Variants in CASK observed in about 807,000 individuals in gnomAD.
CASK encodes peripheral plasma membrane protein CASK.
In CASK, 4 loss-of-function variants were observed where a neutral mutation model predicts 82.9. That is an observed-to-expected ratio of 0.05 (90% CI 0.02 to 0.11). The LOEUF (loss-of-function observed/expected upper bound fraction) is 0.11. Ranked by LOEUF, CASK falls within the 10% of genes least tolerant of loss-of-function variation. The pLI is 1.00. For synonymous variants in CASK, 259 were observed against 253.5 expected (o/e 1.02, Z -0.20); for missense variants, 358 against 720.9 (o/e 0.50, Z 5.76).
intron 5 of CASK, among the ~76,000 whole-genome samples, chrX:41,682,801 T>C (rs758737265): frequency 3.0e-4 from 33 of 109,726 alleles, no homozygotes; most frequent in Middle Eastern, 4.7e-3. Context: ...TTTGGGGGGT[T>C]AGAGTGTCTC....
chrX:41,601,314 T>A lies in CASK; in HGVS notation c.1155+8590A>T, dbSNP rs760306296. ...CCAAAAAATTGATGTTAAAAAAGTA[T>A]CAAAAAGCTGTGAATTTTTGGAAAT... On this transcript the variant is annotated intron_variant, in intron 12 of 26. Coordinates refer to ENST00000378163, the MANE Select transcript of CASK (RefSeq NM_001367721.1). 5.4e-5 allele frequency among the ~76,000 whole-genome samples: 6 copies of A among 111,945 alleles called. No homozygotes were observed. In the East Asian group the frequency reaches 1.7e-3, roughly 31 times the overall value.
intron 3 of CASK, among the ~76,000 whole-genome samples, chrX:41,765,044 A>C (rs912440475): frequency 4.5e-5 from 5 of 112,177 alleles, no homozygotes; most frequent in Non-Finnish European, 7.5e-5. Context: ...AATAAGATTC[A>C]ATGACTCTGC....
chrX:41,646,969 G>A (rs1482273527), intron 8 of CASK, among the ~76,000 whole-genome samples: 1 of 111,550 alleles, frequency 9.0e-6, no homozygotes, highest in East Asian at 2.8e-4. Context: ...AGATCTAAGA[G>A]ATTTGTTTTC....
chrX:41,789,468 C>T (rs893520320), intron 2 of CASK, among the ~76,000 whole-genome samples: 8 of 111,304 alleles, frequency 7.2e-5, no homozygotes, highest in Non-Finnish European at 1.3e-4. Flanking sequence ...GGAAAGATGC[C>T]TCCATCTCCA....
Position 41,586,966 on chromosome X carries a change from A to G in CASK, c.1255T>C (p.Tyr419His). 1 of 1,162,144 alleles carries G rather than the reference A, an allele frequency of 8.6e-7. No homozygotes were observed. Among genetic ancestry groups the G allele is most frequent in the Non-Finnish European group, 1.2e-6 (1 of 851,627 alleles). ...TCCTTTGCGTCGTTATTCTCAGGGT[A>G]ACATGAAATTTCTTCCAATACCTAA... is the stretch of plus-strand genomic sequence containing the variant. ...AKEVLEEISC[Y>H]PENNDAKELK... Residue 419 changes from tyrosine (Y) to histidine (H), a missense_variant, in exon 14 of 27, where the codon TAC becomes CAC. Coordinates refer to ENST00000378163, the MANE Select transcript of CASK (RefSeq NM_001367721.1).
intron 25 of CASK, 198 bp from the exon 26 acceptor site, chrX:41,524,232 C>T: frequency 2.4e-6 from 1 of 418,478 alleles, no homozygotes; most frequent in Non-Finnish European, 4.1e-6. Flanking sequence ...CAATAGCCAT[C>T]AGAAAATAAA....
chrX:41,887,043 T>C (rs1361725481), intron 1 of CASK, among the ~76,000 whole-genome samples: 2 of 110,939 alleles, frequency 1.8e-5, no homozygotes, highest in Non-Finnish European at 3.8e-5. Flanking sequence ...TACAAATTTA[T>C]CTGTAAAGAG....
chrX:41,829,267 T>C (rs2070734744), intron 2 of CASK, among the ~76,000 whole-genome samples: 1 of 110,998 alleles, frequency 9.0e-6, no homozygotes, highest in Admixed American at 9.6e-5. Flanking sequence ...GTAGCTCCCA[T>C]CATGTCCCCT....
chrX:41,610,074 C>A (rs1224526600), intron 11 of CASK, 49 bp from the exon 12 acceptor site: 2 of 1,168,001 alleles, frequency 1.7e-6, no homozygotes, highest in Middle Eastern at 2.4e-4. Context: ...AAGTCAATGT[C>A]AAACTAACTT....
chrX:41,631,859 G>A (rs1055161527), intron 9 of CASK, among the ~76,000 whole-genome samples: 1 of 111,562 alleles, frequency 9.0e-6, no homozygotes, highest in South Asian at 3.8e-4. Flanking sequence ...ATTATTTGTG[G>A]AACTGTTCAT....
intron 12 of CASK, among the ~76,000 whole-genome samples, chrX:41,598,361 CT>C (rs200397024): frequency 0.024 from 2,622 of 110,125 alleles, 89 homozygotes; most frequent in African/African-American, 0.082. Context: ...TTTCTTTTTT[CT>C]TTTTTTTGAG....
chrX:41,566,916 G>C (rs1313254542), intron 16 of CASK, among the ~76,000 whole-genome samples: 3 of 111,472 alleles, frequency 2.7e-5, no homozygotes, highest in South Asian at 7.5e-4. Context: ...CAGAACAGAG[G>C]CCTCAGAAAT....
At chrX:41,569,390 G>A (rs1262394499) in intron 16 of CASK, among the ~76,000 whole-genome samples, 1 of 111,204 alleles carries the variant, frequency 9.0e-6, no homozygotes, top group African/African-American at 3.3e-5. Context: ...CTGTGCAGAT[G>A]AATAAGAAAC....
At chrX:41,901,028 G>T (rs142023063) in intron 1 of CASK, among the ~76,000 whole-genome samples, 58 of 111,699 alleles carry the variant, frequency 5.2e-4, no homozygotes, top group African/African-American at 1.8e-3. Flanking sequence ...TTAGAGATGC[G>T]AGACACTGCA....
chrX:41,812,059 T>A (rs1233422445), intron 2 of CASK, among the ~76,000 whole-genome samples: 2 of 111,466 alleles, frequency 1.8e-5, no homozygotes, highest in African/African-American at 6.5e-5. Context: ...AATCCCTGAA[T>A]AGACCAATAA....
chrX:41,805,009 T>C (rs2147869069), intron 2 of CASK, among the ~76,000 whole-genome samples: 1 of 112,231 alleles, frequency 8.9e-6, no homozygotes, highest in East Asian at 2.8e-4. Flanking sequence ...ACTCATTTTA[T>C]ACTGTCTCAA....
At chrX:41,897,689 A>G (rs1225348635) in intron 1 of CASK, among the ~76,000 whole-genome samples, 2 of 111,562 alleles carry the variant, frequency 1.8e-5, no homozygotes, top group Non-Finnish European at 3.8e-5. Context: ...AAAAAAACCT[A>G]AAGACCAGAG....
Position 41,739,594 on chromosome X carries a change from G to A in CASK, c.357-138C>T, listed in dbSNP as rs764607578. The A allele has an allele frequency of 8.3e-5, 37 of 444,361 alleles. No individual in the cohort carries two copies. The East Asian group carries it at 1.5e-3, about 17-fold the overall frequency. The allele number at this position is 444,361 out of a possible 1,213,427, so 36.6% of individuals were successfully genotyped here. A position where few individuals can be genotyped will look rare whatever the true frequency, so the allele number is the denominator to read the frequency against. ...TTTGATTTGAGCAGACAGGATTGGT[G>A]TAAAGTGAGGCTTAATAATGAAAAT... On this transcript the variant is annotated intron_variant, in intron 4 of 26. Coordinates refer to ENST00000378163, the MANE Select transcript of CASK (RefSeq NM_001367721.1).
chrX:41,683,065 C>T (rs2067387868), intron 5 of CASK: 1 of 111,820 alleles, frequency 8.9e-6, no homozygotes, highest in Admixed American at 9.5e-5. Context: ...TGCTCCTCTT[C>T]AATACTTTTC....
Sources: gnomAD v4.1 joint callset for allele counts (sites outside exome capture counted in the v4.1 genomes callset) on GRCh38, gnomAD v4.1.1 for gene constraint, MANE v1.5 for transcripts, NCBI Gene and HGNC (gene_info 2026-07-23, HGNC 2026-07-21) for gene names.